NRG1: variants seen among roughly 807,000 people sequenced by gnomAD.
The protein encoded by NRG1 is pro-neuregulin-1, membrane-bound isoform.
A neutral mutation model predicts 63.8 loss-of-function variants in NRG1; 18 were observed. The observed-to-expected ratio is 0.28, with a 90% CI of 0.19 to 0.42. The LOEUF is 0.42. NRG1 is among the 10% of genes least tolerant of loss of function. The probability of loss-of-function intolerance (pLI) is 1.00; values close to 1 mark genes in which losing one functional copy is unlikely to be tolerated. For synonymous variants in NRG1, 302 were observed against 301.3 expected, an observed-to-expected ratio of 1.00 and a Z score of -0.02; for missense variants, 762 against 814.7, an observed-to-expected ratio of 0.94 and a Z score of 0.79.
intron 1 of NRG1, among the ~76,000 whole-genome samples, chr8:31,990,041 T>A (rs1198612836): frequency 6.6e-6 from 1 of 152,128 alleles, no homozygotes; most frequent in Non-Finnish European, 1.5e-5. Flanking sequence ...AACAAGGGGA[T>A]GTTCTGATTT....
chr8:32,458,675 C>T (rs1158803309), intron 1 of NRG1, among the ~76,000 whole-genome samples: 2 of 152,158 alleles, frequency 1.3e-5, no homozygotes, highest in Admixed American at 6.5e-5. Context: ...AACATCACTG[C>T]TCCCTCTCCC....
chr8:31,889,507 G>A (rs2129613741), intron 1 of NRG1, among the ~76,000 whole-genome samples: 1 of 152,286 alleles, frequency 6.6e-6, no homozygotes, highest in Middle Eastern at 3.4e-3. Context: ...AACAGGAAGA[G>A]GGGCCTCTGC....
chr8:31,769,056 C>A (rs1818357938), intron 1 of NRG1, among the ~76,000 whole-genome samples: 1 of 152,148 alleles, frequency 6.6e-6, no homozygotes, highest in Non-Finnish European at 1.5e-5. Context: ...CAGGAGAGAA[C>A]ATGTACTCCT....
intron 5 of NRG1, among the ~76,000 whole-genome samples, chr8:32,721,223 C>T (rs1589411034): frequency 6.6e-6 from 1 of 152,134 alleles, no homozygotes. Flanking sequence ...GATCTGTATC[C>T]TCCTTTAAAA....
chr8:32,186,193 G>A (rs551447280), intron 1 of NRG1, among the ~76,000 whole-genome samples: 9 of 152,222 alleles, frequency 5.9e-5, no homozygotes, highest in African/African-American at 1.2e-4. Context: ...GGCCGTGTGC[G>A]GTGGCTCACG....
chr8:32,551,049 A>C (rs544434488), intron 1 of NRG1, among the ~76,000 whole-genome samples: 11 of 152,328 alleles, frequency 7.2e-5, no homozygotes, highest in African/African-American at 2.6e-4. Context: ...CATGGCATTA[A>C]ATACAATGCT....
At chr8:32,173,366 G>C (rs913219829) in intron 1 of NRG1, among the ~76,000 whole-genome samples, 2 of 152,174 alleles carry the variant, frequency 1.3e-5, no homozygotes, top group African/African-American at 4.8e-5. Flanking sequence ...GGAACAACCA[G>C]TACCAGCCAC....
rs1350866035 is a variant in NRG1, at chr8:32,409,434, G to T, written c.38-186394G>T. Among the ~76,000 whole-genome samples, 4 of 152,186 alleles carry T rather than the reference G, an allele frequency of 2.6e-5. No homozygotes were observed. The East Asian group carries it at 7.7e-4, about 29-fold the overall frequency. On this transcript the variant is annotated intron_variant, in intron 1 of 10. Transcript: ENST00000519301. ...GACTTCATTAAACTAAAAGGCTTTGGCACAGCAAAAGATATAATCAACAAA... is the reference window on the plus strand; with the variant it reads ...GACTTCATTAAACTAAAAGGCTTTGTCACAGCAAAAGATATAATCAACAAA...
At chr8:32,433,416 C>T (rs71512625) in intron 1 of NRG1, among the ~76,000 whole-genome samples, 7,918 of 152,166 alleles carry the variant, frequency 0.052, 275 homozygotes, top group Middle Eastern at 0.088. Flanking sequence ...TATTAGAAAC[C>T]GAGCTAATTG....
intron 1 of NRG1, among the ~76,000 whole-genome samples, chr8:32,489,919 C>G (rs930865940): frequency 1.3e-5 from 2 of 152,212 alleles, no homozygotes; most frequent in Admixed American, 1.3e-4. Context: ...TGGATGCTCT[C>G]AATACACTTA....
chr8:32,288,570 A>AG (rs1477733839), intron 1 of NRG1, among the ~76,000 whole-genome samples: 1 of 152,184 alleles, frequency 6.6e-6, no homozygotes, highest in Non-Finnish European at 1.5e-5. Flanking sequence ...GTCTGATTCC[A>AG]GGTCTCATAA....
chr8:31,664,949 G>T (rs1356176692), intron 1 of NRG1, among the ~76,000 whole-genome samples: 1 of 152,140 alleles, frequency 6.6e-6, no homozygotes, highest in Non-Finnish European at 1.5e-5. Context: ...ATTATTTTTG[G>T]CAAAATGTCA....
At chr8:32,066,190 A>G (rs924434527) in intron 1 of NRG1, among the ~76,000 whole-genome samples, 18 of 152,170 alleles carry the variant, frequency 1.2e-4, no homozygotes, top group African/African-American at 4.1e-4. Flanking sequence ...CTTTAGTTTA[A>G]TTAGATCCCA....
At chr8:32,647,480 A>G in intron 5 of NRG1, 1 of 985,352 alleles carries the variant, frequency 1.0e-6, no homozygotes, top group Middle Eastern at 5.2e-4. Context: ...AAAGAACTAG[A>G]AAAGTGGCCC....
chr8:32,179,603 T>C (rs559570206), intron 1 of NRG1, among the ~76,000 whole-genome samples: 227 of 152,324 alleles, frequency 1.5e-3, no homozygotes, highest in African/African-American at 5.3e-3. Context: ...TGACCCTCTG[T>C]AACAGGACTT....
At chr8:32,495,919 T>A (rs1827152449) in intron 1 of NRG1, among the ~76,000 whole-genome samples, 1 of 152,240 alleles carries the variant, frequency 6.6e-6, no homozygotes, top group African/African-American at 2.4e-5. Context: ...TTACTTTCTC[T>A]AACTTGTGAA....
chr8:31,670,269 C>G (rs534350003), intron 1 of NRG1, among the ~76,000 whole-genome samples: 21 of 152,294 alleles, frequency 1.4e-4, no homozygotes, highest in Admixed American at 9.8e-4. Context: ...GGGGTCACCA[C>G]TGCTGTGTTC....
At chr8:32,137,027 G>T (rs1835617240) in intron 1 of NRG1, among the ~76,000 whole-genome samples, 1 of 151,946 alleles carries the variant, frequency 6.6e-6, no homozygotes, top group Non-Finnish European at 1.5e-5. Context: ...TCTATATCTG[G>T]TTTATTCGAT....
chr8:32,428,065 C>T (rs1817628214), intron 1 of NRG1, among the ~76,000 whole-genome samples: 2 of 152,172 alleles, frequency 1.3e-5, no homozygotes, highest in Admixed American at 6.5e-5. Context: ...CCCTAAGGGA[C>T]CAACAGTGTT....
Sources: allele counts gnomAD v4.1 joint callset (sites outside exome capture counted in the v4.1 genomes callset), GRCh38; gene constraint gnomAD v4.1.1; transcripts MANE v1.5; gene names NCBI Gene and HGNC (gene_info 2026-07-23, HGNC 2026-07-21).